Variants in RABGEF1 observed in about 807,000 individuals in gnomAD.
RABGEF1 encodes RAB guanine nucleotide exchange factor 1, also known as rab5 GDP/GTP exchange factor.
Under a neutral mutation model 57.3 loss-of-function variants are expected in RABGEF1, and 26 were observed. The ratio of observed to expected loss-of-function variants is 0.45; its 90% CI spans 0.33 to 0.63. The LOEUF is 0.63. RABGEF1 is among the 20% of genes least tolerant of loss of function. The pLI is 0.02. For missense variants in RABGEF1, 464 were observed against 607.6 expected (o/e 0.76, Z 2.48); for synonymous variants, 185 against 210.7 (o/e 0.88, Z 1.06).
At chr7:66,713,808 A>T (rs1795049025) in intron 2 of RABGEF1, among the ~76,000 whole-genome samples, 1 of 152,226 alleles carries the variant, frequency 6.6e-6, no homozygotes. Context: ...TGATTATTTT[A>T]AGAAATGGAT....
chr7:66,725,936 C>G (rs1202568482), intron 2 of RABGEF1, among the ~76,000 whole-genome samples: 1 of 152,162 alleles, frequency 6.6e-6, no homozygotes, highest in Non-Finnish European at 1.5e-5. Flanking sequence ...GCACTGTGAC[C>G]TGAGGAGAGA....
At chr7:66,734,805 G>A (rs187355960) in intron 2 of RABGEF1, among the ~76,000 whole-genome samples, 1,593 of 152,058 alleles carry the variant, frequency 0.01, 18 homozygotes, top group Non-Finnish European at 0.016. Flanking sequence ...CAAAAATGAC[G>A]GACACTGCTG....
At chr7:66,674,192 CTTTTT>C in the RABGEF1 span, among the ~76,000 whole-genome samples, 1 of 139,328 alleles carries the variant, frequency 7.2e-6, no homozygotes, top group Admixed American at 7.2e-5. Context: ...CCACTAAAGG[CTTTTT>C]TTTTTTTTTT....
chr7:66,743,344 G>GCTCT (rs1231818063), intron 1 of RABGEF1, among the ~76,000 whole-genome samples: 28 of 140,614 alleles, frequency 2.0e-4, no homozygotes, highest in Admixed American at 4.9e-4. Context: ...AAAAAAAAAG[G>GCTCT]CTCTCTCTCT....
intron 1 of RABGEF1, chr7:66,748,957 G>T: frequency 4.9e-6 from 1 of 205,370 alleles, no homozygotes. Context: ...GAGCAAGGCC[G>T]CTGCTGCTTT....
chr7:66,685,234 A>T (rs1023377594), intron 1 of RABGEF1, among the ~76,000 whole-genome samples: 1 of 146,894 alleles, frequency 6.8e-6, no homozygotes, highest in Non-Finnish European at 1.5e-5. Context: ...GGCCACTACA[A>T]CCTCCACCTC....
In RABGEF1 at chr7:66,773,199, AAG is replaced by A. The variant is rs994310531; in HGVS notation, c.179+1127_179+1128del. On this transcript the variant is annotated intron_variant, in intron 2 of 8. Transcript: ENST00000284957. ...TGCTTTCAGTGACTGTGTTCAATCA[AAG>A]AGAGAAAATTTTAGCCGAGAACATG... Among the ~76,000 whole-genome samples, 9 of 152,228 alleles carry A rather than the reference AAG, an allele frequency of 5.9e-5. No individual in the cohort carries two copies. In the East Asian group the frequency reaches 1.2e-3, roughly 20 times the overall value.
At chr7:66,776,338 T>C (rs1808527953) in intron 3 of RABGEF1, among the ~76,000 whole-genome samples, 1 of 152,232 alleles carries the variant, frequency 6.6e-6, no homozygotes. Flanking sequence ...ACTTTTGCTG[T>C]TTCCTTTTGT....
intron 1 of RABGEF1, among the ~76,000 whole-genome samples, chr7:66,700,447 C>G (rs1165801104): frequency 7.7e-6 from 1 of 129,866 alleles, no homozygotes; most frequent in Non-Finnish European, 1.7e-5. Context: ...GGCCACAGCC[C>G]CAGGACCTGG....
In RABGEF1 at chr7:66,731,643, G is replaced by A. The variant is rs184393231; in HGVS notation, c.-814-8353G>A. Among the ~76,000 whole-genome samples, 36 of 152,298 alleles carry A rather than the reference G, an allele frequency of 2.4e-4. No homozygotes were observed. The East Asian group carries it at 6.2e-3, about 26-fold the overall frequency. On this transcript the variant is annotated intron_variant and NMD_transcript_variant, in intron 2 of 9. Transcript: ENST00000607882. The stretch of plus-strand genomic sequence containing the variant: ...GAAGTGAGAAGATGGCTTGAGCCCA[G>A]GAGTTCGAGACTGCAGTGAGCTATG...
chr7:66,693,723 C>T (rs10225392), intron 1 of RABGEF1, among the ~76,000 whole-genome samples: 15,795 of 152,202 alleles, frequency 0.1, 900 homozygotes, highest in Non-Finnish European at 0.11. Context: ...AGGAGGGTCC[C>T]GAGAGAGAGG....
intron 2 of RABGEF1, among the ~76,000 whole-genome samples, chr7:66,718,685 C>A (rs976228263): frequency 1.3e-5 from 2 of 152,180 alleles, no homozygotes; most frequent in Non-Finnish European, 2.9e-5. Flanking sequence ...TCAGATATGT[C>A]CTGAGTATGT....
chr7:66,705,914 G>T (rs1427608693), intron 1 of RABGEF1, among the ~76,000 whole-genome samples: 1 of 69,846 alleles, frequency 1.4e-5, no homozygotes, highest in Admixed American at 1.9e-4. Flanking sequence ...TTTTTTTTTT[G>T]AGACGGAGTC....
At chr7:66,721,830 T>C (rs775361656) in intron 2 of RABGEF1, among the ~76,000 whole-genome samples, 64 of 152,206 alleles carry the variant, frequency 4.2e-4, no homozygotes, top group Non-Finnish European at 7.1e-4. Context: ...AGGTGGTTTG[T>C]CTTTTTACTT....
chr7:66,789,273 G>A (rs1380094426), intron 4 of RABGEF1, among the ~76,000 whole-genome samples: 2 of 152,114 alleles, frequency 1.3e-5, no homozygotes, highest in African/African-American at 4.8e-5. Flanking sequence ...CTTCAGCAGG[G>A]GTAGCAACCC....
intron 2 of RABGEF1, among the ~76,000 whole-genome samples, chr7:66,730,006 T>C (rs560709334): frequency 2.0e-5 from 3 of 152,342 alleles, no homozygotes; most frequent in African/African-American, 7.2e-5. Context: ...AATCAGGAAA[T>C]TCCAGTAGGA....
chr7:66,714,623 C>T (rs1162786511), intron 2 of RABGEF1, among the ~76,000 whole-genome samples: 1 of 152,158 alleles, frequency 6.6e-6, no homozygotes, highest in South Asian at 2.1e-4. Context: ...TGATTTTACT[C>T]TTTTTATAGT....
rs138841319 is a variant in RABGEF1, at chr7:66,772,072, C to T, written c.173C>T (p.Ala58Val). The change falls in exon 2 of 9, where the codon GCG becomes GTG. Residue 58 changes from alanine to valine, a missense_variant. Coordinates refer to ENST00000284957, the MANE Select transcript of RABGEF1 (RefSeq NM_014504.3). The part of the protein sequence containing the change: ...QKQIQEDWEL[A>V]ERLQREEEEA... ...CAGATTCAGGAGGACTGGGAGCTGG[C>T]GGAGCGGTAAAAGGACTTAACTAGG... is the stretch of plus-strand genomic sequence containing the variant. The T allele has an allele frequency of 2.6e-6, 4 of 1,532,646 alleles. No homozygotes were observed. The highest frequency in any genetic ancestry group is 1.2e-5 in the South Asian group (1 of 80,314). 94.9% of individuals were successfully genotyped at this position (1,532,646 alleles called of 1,614,324 possible).
At chr7:66,676,905 C>T in the RABGEF1 span, among the ~76,000 whole-genome samples, 2 of 152,178 alleles carry the variant, frequency 1.3e-5, no homozygotes, top group African/African-American at 2.4e-5. Flanking sequence ...TCCCTTGATG[C>T]ACAAAAGTTA....
Sources: allele counts gnomAD v4.1 joint callset (sites outside exome capture counted in the v4.1 genomes callset), GRCh38; gene constraint gnomAD v4.1.1; transcripts MANE v1.5; gene names NCBI Gene and HGNC (gene_info 2026-07-23, HGNC 2026-07-21).